EPB41L2: variants seen among roughly 807,000 people sequenced by gnomAD.
EPB41L2 encodes the protein erythrocyte membrane protein band 4.1 like 2.
A neutral mutation model predicts 113.0 loss-of-function variants in EPB41L2; 43 were observed. The ratio of observed to expected loss-of-function variants is 0.38; its 90% CI spans 0.30 to 0.49. The LOEUF (loss-of-function observed/expected upper bound fraction) is 0.49, where lower values mean the gene tolerates loss of function less well. Among genes scored for constraint, EPB41L2 ranks in the 20% least tolerant of loss-of-function variants. The probability of loss-of-function intolerance (pLI) is 0.95; values close to 1 mark genes in which losing one functional copy is unlikely to be tolerated. For missense variants in EPB41L2, 1,147 were observed against 1,223.4 expected, an observed-to-expected ratio of 0.94 and a Z score of 0.93; for synonymous variants, 442 against 436.7, an observed-to-expected ratio of 1.01 and a Z score of -0.15.
intron 14 of EPB41L2, among the ~76,000 whole-genome samples, chr6:130,871,880 T>C (rs1785807368): frequency 6.6e-6 from 1 of 152,204 alleles, no homozygotes; most frequent in Non-Finnish European, 1.5e-5. Context: ...ATTATTATTG[T>C]TATATCTTAA....
At chr6:130,871,420 A>G (rs1785626980) in intron 14 of EPB41L2, among the ~76,000 whole-genome samples, 1 of 152,224 alleles carries the variant, frequency 6.6e-6, no homozygotes, top group Admixed American at 6.5e-5. Flanking sequence ...GAAGGGCACC[A>G]CACCACTGAG....
At chr6:130,983,986 T>C (rs1159249963) in intron 1 of EPB41L2, among the ~76,000 whole-genome samples, 1 of 152,224 alleles carries the variant, frequency 6.6e-6, no homozygotes, top group South Asian at 2.1e-4. Flanking sequence ...TGCAAACATA[T>C]TGTACAGCTG....
intron 19 of EPB41L2, among the ~76,000 whole-genome samples, chr6:130,853,810 G>C (rs564767903): frequency 6.6e-6 from 1 of 152,210 alleles, no homozygotes; most frequent in Non-Finnish European, 1.5e-5. Flanking sequence ...ATACATTGCA[G>C]ACAGTTCCCC....
intron 14 of EPB41L2, chr6:130,872,356 CAA>C (rs1786019127): frequency 7.8e-7 from 1 of 1,275,544 alleles, no homozygotes; most frequent in Admixed American, 2.4e-5. Flanking sequence ...ACAGGGGAAA[CAA>C]AGTAAAATGC....
At chr6:130,925,185 C>CTT (rs1804243201) in intron 4 of EPB41L2, among the ~76,000 whole-genome samples, 2 of 124,160 alleles carry the variant, frequency 1.6e-5, no homozygotes, top group South Asian at 2.5e-4. Flanking sequence ...TATCAGATTT[C>CTT]TTTTCTTTTT....
chr6:130,878,032 A>G, intron 14 of EPB41L2, 72 bp downstream of exon 14: 5 of 1,448,846 alleles, frequency 3.5e-6, no homozygotes, highest in Non-Finnish European at 4.6e-6. Flanking sequence ...TAGACTCAAC[A>G]TAGAGATTAA....
chr6:131,052,381 T>C (rs1379841033), intron 1 of EPB41L2, among the ~76,000 whole-genome samples: 4 of 152,144 alleles, frequency 2.6e-5, no homozygotes, highest in Admixed American at 6.5e-5. Context: ...CACAGTTATA[T>C]AGCAATTCTA....
At chr6:130,991,956 T>G (rs1299758621) in intron 1 of EPB41L2, among the ~76,000 whole-genome samples, 1 of 152,142 alleles carries the variant, frequency 6.6e-6, no homozygotes, top group Non-Finnish European at 1.5e-5. Context: ...AGAAAAGTAC[T>G]TGGATAGAAA....
At chr6:130,880,772 C>T (rs1276655624) in intron 12 of EPB41L2, 2 of 365,812 alleles carry the variant, frequency 5.5e-6, no homozygotes, top group East Asian at 8.0e-5. Context: ...ATTTTGTACT[C>T]AGGAACAAGA....
intron 1 of EPB41L2, among the ~76,000 whole-genome samples, chr6:130,988,216 G>A (rs1202499611): frequency 1.3e-5 from 2 of 152,210 alleles, no homozygotes; most frequent in African/African-American, 2.4e-5. Context: ...ATCCATAGGA[G>A]TTGAAGTCTA....
chr6:130,863,506 C>A, intron 18 of EPB41L2, 132 bp downstream of exon 18: 1 of 610,776 alleles, frequency 1.6e-6, no homozygotes, highest in South Asian at 2.1e-5. Context: ...GTCTTTATGT[C>A]CTGCTTAGGA....
chr6:130,848,480 T>C (rs1777796248), intron 19 of EPB41L2, among the ~76,000 whole-genome samples: 1 of 152,226 alleles, frequency 6.6e-6, no homozygotes, highest in African/African-American at 2.4e-5. Flanking sequence ...GTAATTAATT[T>C]AAAAATTAGA....
intron 4 of EPB41L2, among the ~76,000 whole-genome samples, chr6:130,912,808 G>A (rs1156986851): frequency 6.6e-6 from 1 of 152,074 alleles, no homozygotes; most frequent in Non-Finnish European, 1.5e-5. Flanking sequence ...TGGGAGAGAG[G>A]TGAGAAAGGG....
chr6:130,971,827 G>A (rs1265050716), intron 1 of EPB41L2, among the ~76,000 whole-genome samples: 2 of 152,054 alleles, frequency 1.3e-5, no homozygotes, highest in Non-Finnish European at 2.9e-5. Context: ...CAAACTTTCA[G>A]ATATAGAAAA....
At chr6:130,867,755 C>A (rs1303376726) in intron 15 of EPB41L2, 174 bp from the exon 16 acceptor site, 1 of 747,174 alleles carries the variant, frequency 1.3e-6, no homozygotes, top group Non-Finnish European at 2.2e-6. Context: ...AAAAATTTTC[C>A]TTCAAATATA....
rs537307707 is a variant in EPB41L2, at chr6:130,913,733, G to A, written c.811-4870C>T. ...TAAGTAAAAAAAAAATGACTTAAAT[G>A]ACTTAAAAGAAATACAAGTTAATGA... On this transcript the variant is annotated intron_variant, in intron 4 of 19. Transcript: ENST00000337057. 2.6e-4 allele frequency among the ~76,000 whole-genome samples: 40 copies of A among 152,060 alleles called. 1 individual carries two copies. The highest frequency in any genetic ancestry group is 9.6e-4 in the African/African-American group (40 of 41,498).
rs1295582720 is a variant in EPB41L2, at chr6:130,869,577, T to C, written c.2593A>G (p.Ile865Val). The C allele has an allele frequency of 6.2e-7, 1 of 1,614,090 alleles. No homozygotes were observed. Among genetic ancestry groups the C allele is most frequent in the East Asian group, 2.2e-5 (1 of 44,878 alleles). The change falls in exon 15 of 20, where the codon ATT becomes GTT. Residue 865 changes from isoleucine (I) to valine (V), a missense_variant. By Grantham distance (29) the Ile-to-Val change is conservative. Transcript: ENST00000337057. ...HVDIDVLPQI[I>V]CCSEPPVVKT... ...CTCCCATTTACCTCTGAACAACAAA[T>C]AATTTGTGGCAAAACATCAATGTCA...
Position 130,895,014 on chromosome 6 carries a change from T to A in EPB41L2, c.1342A>T (p.Ile448Phe). The A allele has an allele frequency of 4.3e-6, 7 of 1,614,052 alleles. No individual in the cohort carries two copies. The highest frequency in any genetic ancestry group is 8.5e-7 in the Non-Finnish European group (1 of 1,179,928). ...NRFAWPKILK[I>F]SYKRSNFYIK... ...TAGAAGTTACTGCGTTTATAGGAAA[T>A]TTTTAAGATTTTCGGCCAAGCAAAA... Residue 448 changes from isoleucine (I) to phenylalanine (F), a missense_variant, in exon 9 of 20, where the codon ATT becomes TTT. By Grantham distance (21) the Ile-to-Phe change is conservative. Transcript: ENST00000337057.
intron 3 of EPB41L2, among the ~76,000 whole-genome samples, chr6:130,941,107 A>T (rs958476945): frequency 6.6e-6 from 1 of 152,226 alleles, no homozygotes; most frequent in African/African-American, 2.4e-5. Context: ...AACACATAGG[A>T]TATATTTAAA....
Sources: gnomAD v4.1 joint callset for allele counts (sites outside exome capture counted in the v4.1 genomes callset) on GRCh38, gnomAD v4.1.1 for gene constraint, MANE v1.5 for transcripts, NCBI Gene and HGNC (gene_info 2026-07-23, HGNC 2026-07-21) for gene names.